The following SCHIP1 variants were observed in gnomAD, a reference collection of about 807,000 sequenced individuals.
SCHIP1 encodes the protein schwannomin interacting protein 1.
Under a neutral mutation model 29.7 loss-of-function variants are expected in SCHIP1, and 8 were observed. That is an observed-to-expected ratio of 0.27 (90% CI 0.16 to 0.49). The LOEUF is 0.49. Ranked by LOEUF, SCHIP1 falls within the 20% of genes least tolerant of loss-of-function variation. SCHIP1 has a pLI of 0.99. For missense variants in SCHIP1, 193 were observed against 294.6 expected, an observed-to-expected ratio of 0.66 and a Z score of 2.52; for synonymous variants, 76 against 94.9, an observed-to-expected ratio of 0.80 and a Z score of 1.16.
chr3:159,328,154 T>C, the SCHIP1 span, among the ~76,000 whole-genome samples: 36,466 of 152,110 alleles, frequency 0.24, 4,717 homozygotes, highest in African/African-American at 0.33. Context: ...AATTAAAAAC[T>C]CAATTCCTCA....
chr3:159,273,941 GA>G, the SCHIP1 span: 1 of 1,592,160 alleles, frequency 6.3e-7, no homozygotes, highest in Non-Finnish European at 8.6e-7. Flanking sequence ...TACAAATGAA[GA>G]GAGAAAACTT....
the SCHIP1 span, among the ~76,000 whole-genome samples, chr3:159,687,675 C>T: frequency 4.6e-5 from 7 of 152,078 alleles, no homozygotes; most frequent in Non-Finnish European, 8.8e-5. Context: ...CAGGTATACA[C>T]GTGCCATGGT....
chr3:159,623,968 G>A, the SCHIP1 span, among the ~76,000 whole-genome samples: 1 of 152,162 alleles, frequency 6.6e-6, no homozygotes, highest in Non-Finnish European at 1.5e-5. Context: ...TTGATTATAG[G>A]AGGGACAAGA....
At chr3:159,661,103 TGATAAG>T in the SCHIP1 span, among the ~76,000 whole-genome samples, 1 of 152,134 alleles carries the variant, frequency 6.6e-6, no homozygotes, top group East Asian at 1.9e-4. Flanking sequence ...TGCTGAGCTA[TGATAAG>T]AAGGGAGTAG....
the SCHIP1 span, among the ~76,000 whole-genome samples, chr3:159,508,714 T>C: frequency 4.6e-5 from 7 of 152,224 alleles, no homozygotes; most frequent in African/African-American, 1.7e-4. Flanking sequence ...TCTGCCTTCA[T>C]TTTGTTATGT....
At chr3:159,693,451 G>A in the SCHIP1 span, among the ~76,000 whole-genome samples, 8 of 152,318 alleles carry the variant, frequency 5.3e-5, no homozygotes, top group Middle Eastern at 3.4e-3. Context: ...AGACCAAGTA[G>A]ATAAAGTTAT....
rs566940351 is a variant in SCHIP1 at position 159,843,001 on chromosome 3, C to CTTT, written c.30+2813_30+2815dup. ...TCCAGTTCTATCCCAATATTTCTTT[C>CTTT]TTTTTTTTTTTTTTTTTTTTTTTTT... On this transcript the variant is annotated intron_variant, in intron 1 of 6. Transcript: ENST00000445224. 7.5e-4 allele frequency among the ~76,000 whole-genome samples: 48 copies of CTTT among 63,728 alleles called. 1 individual carries two copies. Among genetic ancestry groups the CTTT allele is most frequent in the African/African-American group, 9.9e-4 (21 of 21,204 alleles). 41.8% of individuals were successfully genotyped at this position (63,728 alleles called of 152,430 possible). A position where few individuals can be genotyped will look rare whatever the true frequency, so the allele number is the denominator to read the frequency against.
At chr3:159,780,969 A>G in the SCHIP1 span, among the ~76,000 whole-genome samples, 1 of 152,226 alleles carries the variant, frequency 6.6e-6, no homozygotes, top group South Asian at 2.1e-4. Flanking sequence ...GGTTATCAGC[A>G]GCTCCAGGAA....
At chr3:159,631,006 G>A in the SCHIP1 span, among the ~76,000 whole-genome samples, 4 of 152,186 alleles carry the variant, frequency 2.6e-5, no homozygotes, top group Non-Finnish European at 4.4e-5. Context: ...AAGTTAAAAC[G>A]TGGGCAAAGA....
At chr3:159,284,504 T>C in the SCHIP1 span, among the ~76,000 whole-genome samples, 3 of 152,182 alleles carry the variant, frequency 2.0e-5, no homozygotes, top group African/African-American at 7.2e-5. Flanking sequence ...GTTTTGTTTT[T>C]TTGAGATGGA....
At chr3:159,314,446 GA>G in the SCHIP1 span, among the ~76,000 whole-genome samples, 1 of 152,150 alleles carries the variant, frequency 6.6e-6, no homozygotes, top group Non-Finnish European at 1.5e-5. Context: ...ATGTGCTTTG[GA>G]ATCAGTATGT....
At chr3:159,793,499 C>T in the SCHIP1 span, among the ~76,000 whole-genome samples, 2 of 152,092 alleles carry the variant, frequency 1.3e-5, no homozygotes, top group African/African-American at 4.8e-5. Context: ...CTTCTGAAGG[C>T]CAGAAGTCTG....
At chr3:159,627,687 A>G in the SCHIP1 span, among the ~76,000 whole-genome samples, 1 of 152,190 alleles carries the variant, frequency 6.6e-6, no homozygotes, top group Admixed American at 6.5e-5. Context: ...GATGAAGAAA[A>G]ATATTCATCT....
the SCHIP1 span, among the ~76,000 whole-genome samples, chr3:159,552,630 A>G: frequency 6.6e-6 from 1 of 152,234 alleles, no homozygotes; most frequent in Non-Finnish European, 1.5e-5. Flanking sequence ...ATGCTAGGAC[A>G]CAGGATTTTG....
At chr3:159,293,102 T>C in the SCHIP1 span, among the ~76,000 whole-genome samples, 12 of 152,306 alleles carry the variant, frequency 7.9e-5, no homozygotes, top group East Asian at 1.5e-3. Context: ...TTCATCAGGG[T>C]CACATGATAA....
chr3:159,759,067 T>C, the SCHIP1 span, among the ~76,000 whole-genome samples: 1 of 152,246 alleles, frequency 6.6e-6, no homozygotes, highest in East Asian at 1.9e-4. Flanking sequence ...TATTTTGCCA[T>C]TTCATTTTTT....
At chr3:159,677,872 G>A in the SCHIP1 span, among the ~76,000 whole-genome samples, 1 of 152,120 alleles carries the variant, frequency 6.6e-6, no homozygotes, top group East Asian at 1.9e-4. Flanking sequence ...GTCTCACTCT[G>A]TCACCCAGGC....
At chr3:159,695,293 C>T in the SCHIP1 span, among the ~76,000 whole-genome samples, 8 of 152,130 alleles carry the variant, frequency 5.3e-5, no homozygotes, top group African/African-American at 1.9e-4. Flanking sequence ...AAATGCCCAC[C>T]GCCAGGTTTT....
the SCHIP1 span, among the ~76,000 whole-genome samples, chr3:159,611,522 C>T: frequency 0.25 from 6,676 of 26,316 alleles, 212 homozygotes; most frequent in Non-Finnish European, 0.29. Flanking sequence ...TACACCAGGG[C>T]GTGTTGGGGG....
Sources: gnomAD v4.1 joint callset for allele counts (sites outside exome capture counted in the v4.1 genomes callset) on GRCh38, gnomAD v4.1.1 for gene constraint, MANE v1.5 for transcripts, NCBI Gene and HGNC (gene_info 2026-07-23, HGNC 2026-07-21) for gene names.